BLNK: variants seen among roughly 807,000 people sequenced by gnomAD.
BLNK encodes the protein B cell linker, also known as B-cell linker protein.
BLNK carries 29 observed loss-of-function variants against 73.5 expected under a neutral mutation model. The observed-to-expected ratio is 0.39, with a 90% CI of 0.29 to 0.54. The LOEUF is 0.54. Among genes scored for constraint, BLNK ranks in the 20% least tolerant of loss-of-function variants. The pLI is 0.61. For synonymous variants in BLNK, 176 were observed against 200.8 expected, an observed-to-expected ratio of 0.88 and a Z score of 1.04; for missense variants, 460 against 562.8, an observed-to-expected ratio of 0.82 and a Z score of 1.85.
chr10:96,246,279 G>A (rs1437196010), intron 2 of BLNK, among the ~76,000 whole-genome samples: 5 of 152,268 alleles, frequency 3.3e-5, no homozygotes, highest in South Asian at 4.2e-4. Context: ...CTGGCTGAGC[G>A]CAGTGGCTCT....
At position 96,209,732 on chromosome 10, in the gene BLNK, T is replaced by G. The variant is rs2083903564; in HGVS notation, c.746+106A>C. On this transcript the variant is annotated intron_variant, in intron 9 of 16. Transcript: ENST00000224337. ...AGGGCTCCTTACTCTTGGTCCAAGT[T>G]GCAGCCTGCCATGGGGAGAACTTCT... 5.1e-6 allele frequency: 7 copies of G among 1,375,874 alleles called. No homozygotes were observed. The East Asian group carries it at 1.6e-4, about 31-fold the overall frequency. 85.2% of individuals were successfully genotyped at this position (1,375,874 alleles called of 1,614,324 possible).
At chr10:96,265,577 G>A (rs1054756939) in intron 1 of BLNK, among the ~76,000 whole-genome samples, 9 of 152,128 alleles carry the variant, frequency 5.9e-5, no homozygotes, top group African/African-American at 1.9e-4. Context: ...TTGAAATGCA[G>A]GCCTAAGGAT....
chr10:96,269,585 C>T (rs979824742), intron 1 of BLNK, among the ~76,000 whole-genome samples: 2 of 152,058 alleles, frequency 1.3e-5, no homozygotes, highest in African/African-American at 4.8e-5. Flanking sequence ...AGCGCTCCTC[C>T]CTCCCACCAG....
chr10:96,239,363 T>A (rs1344304942), intron 3 of BLNK, among the ~76,000 whole-genome samples: 1 of 152,160 alleles, frequency 6.6e-6, no homozygotes, highest in Admixed American at 6.5e-5. Context: ...ATAATATAGA[T>A]GAGGAAAGGA....
At chr10:96,250,604 A>G (rs189876344) in intron 1 of BLNK, among the ~76,000 whole-genome samples, 46 of 152,368 alleles carry the variant, frequency 3.0e-4, no homozygotes, top group East Asian at 1.2e-3. Context: ...AAAATGAGGC[A>G]GCAGTGAAGA....
chr10:96,230,643 G>C, intron 4 of BLNK, 151 bp downstream of exon 4: 1 of 816,582 alleles, frequency 1.2e-6, no homozygotes, highest in East Asian at 2.7e-5. Context: ...AAGTCAGCTG[G>C]TATGCAGTAT....
At position 96,269,171 on chromosome 10, in the gene BLNK, A is replaced by C. The variant is rs572031535; in HGVS notation, c.47+2181T>G. On this transcript the variant is annotated intron_variant, in intron 1 of 16. Transcript: ENST00000224337. ...AAAGACAACTGAGTAATCAAGTGGA[A>C]AAAAAGTTACTTTTATGTAAGCAGA... 9.8e-4 allele frequency among the ~76,000 whole-genome samples: 150 copies of C among 152,340 alleles called. 1 individual carries two copies. Among genetic ancestry groups the C allele is most frequent in the African/African-American group, 3.4e-3 (141 of 41,564 alleles).
intron 8 of BLNK, 107 bp from the exon 9 acceptor site, chr10:96,210,014 G>GTTGCT: frequency 1.7e-6 from 2 of 1,168,292 alleles, no homozygotes; most frequent in Non-Finnish European, 2.6e-6. Context: ...CACATACTGT[G>GTTGCT]TTGCTTTCAG....
chr10:96,227,398 G>A lies in BLNK; in HGVS notation c.361+12C>T, dbSNP rs958281248. The A allele has an allele frequency of 5.0e-6, 8 of 1,612,790 alleles. No individual in the cohort carries two copies. Among genetic ancestry groups the A allele is most frequent in the South Asian group, 1.1e-5 (1 of 91,082 alleles). On this transcript the variant is annotated intron_variant, in intron 5 of 16. Coordinates refer to ENST00000224337, the MANE Select transcript of BLNK (RefSeq NM_013314.4). ...TGGAAGGCCGAGTGCCCAGGTCTGC[G>A]GGGGACCTCACCTATATACTCGCCT... is the stretch of plus-strand genomic sequence containing the variant.
intron 1 of BLNK, among the ~76,000 whole-genome samples, chr10:96,268,986 C>A (rs1844143523): frequency 1.3e-5 from 2 of 152,176 alleles, no homozygotes; most frequent in South Asian, 4.1e-4. Context: ...GGACACAAAT[C>A]ACAGGAGGCA....
intron 1 of BLNK, among the ~76,000 whole-genome samples, chr10:96,249,872 G>A (rs1012748465): frequency 6.6e-5 from 10 of 152,338 alleles, no homozygotes; most frequent in Non-Finnish European, 7.3e-5. Flanking sequence ...TGGGCCTTGG[G>A]GAAGAGAGTG....
rs372896439 is a variant in BLNK at position 96,195,016 on chromosome 10, G to A, written c.1251+1892C>T. 4.0e-5 allele frequency among the ~76,000 whole-genome samples: 6 copies of A among 151,742 alleles called. No homozygotes were observed. The East Asian group carries it at 5.8e-4, about 15-fold the overall frequency. On this transcript the variant is annotated intron_variant, in intron 16 of 16. Coordinates refer to ENST00000224337, the MANE Select transcript of BLNK (RefSeq NM_013314.4). ...GATCTCCTGACCTCGTGATCCGCCC[G>A]TCTCGGCCTCCCAAAGTGCTGGGAT...
chr10:96,251,941 G>T (rs563725109), intron 1 of BLNK, among the ~76,000 whole-genome samples: 1 of 152,106 alleles, frequency 6.6e-6, no homozygotes, highest in Non-Finnish European at 1.5e-5. Flanking sequence ...TTTAGAATCC[G>T]ATAGATCTCA....
chr10:96,226,562 C>A (rs1423958883), intron 5 of BLNK, among the ~76,000 whole-genome samples: 5 of 152,178 alleles, frequency 3.3e-5, no homozygotes, highest in Non-Finnish European at 5.9e-5. Flanking sequence ...TACTTGGGGC[C>A]AGGCGCAGTG....
At chr10:96,241,007 A>G (rs1554906105) in intron 3 of BLNK, among the ~76,000 whole-genome samples, 1 of 152,244 alleles carries the variant, frequency 6.6e-6, no homozygotes, top group Non-Finnish European at 1.5e-5. Flanking sequence ...GCCAGACTGT[A>G]CTGGCATCCC....
intron 6 of BLNK, among the ~76,000 whole-genome samples, chr10:96,218,631 C>T (rs1564826111): frequency 1.3e-5 from 2 of 150,458 alleles, no homozygotes; most frequent in Non-Finnish European, 2.9e-5. Context: ...GAAGCTGAGG[C>T]TGCAGTGAGT....
chr10:96,251,229 CA>C, intron 1 of BLNK, among the ~76,000 whole-genome samples: 1 of 152,192 alleles, frequency 6.6e-6, no homozygotes, highest in Non-Finnish European at 1.5e-5. Context: ...CATAGTGACC[CA>C]AAACCAAGAT....
At chr10:96,222,810 G>T (rs1044981402) in intron 6 of BLNK, among the ~76,000 whole-genome samples, 2 of 151,990 alleles carry the variant, frequency 1.3e-5, no homozygotes, top group Non-Finnish European at 2.9e-5. Flanking sequence ...AGAAAAGAAG[G>T]TGGAGGAAAG....
In BLNK at chr10:96,190,985, G is replaced by A. The variant is rs2083318885; in HGVS notation, c.*988C>T. On this transcript the variant is annotated 3_prime_UTR_variant, in exon 17 of 17. Transcript: ENST00000224337. ...CCTCACCCAAATCTCATCTTGAATT[G>A]TAGCTCCCATAATCCCCACGTGCCA... Among the ~76,000 whole-genome samples the A allele has an allele frequency of 6.6e-6, 1 of 152,086 alleles. No homozygotes were observed. The highest frequency in any genetic ancestry group is 1.5e-5 in the Non-Finnish European group (1 of 68,020).
Sources: allele counts gnomAD v4.1 joint callset (sites outside exome capture counted in the v4.1 genomes callset), GRCh38; gene constraint gnomAD v4.1.1; transcripts MANE v1.5; gene names NCBI Gene and HGNC (gene_info 2026-07-23, HGNC 2026-07-21).